Variants in FLII observed in about 807,000 individuals in gnomAD.
The protein encoded by FLII is FLII actin remodeling protein.
Under a neutral mutation model 156.2 loss-of-function variants are expected in FLII, and 101 were observed. That is an observed-to-expected ratio of 0.65 (90% CI 0.55 to 0.76). FLII has a LOEUF of 0.76. Ranked by LOEUF, FLII falls within the 30% of genes least tolerant of loss-of-function variation. The pLI is 0.00. For synonymous variants in FLII, 767 were observed against 685.8 expected, an observed-to-expected ratio of 1.12 and a Z score of -1.85; for missense variants, 1,675 against 1,682.8, an observed-to-expected ratio of 1.00 and a Z score of 0.08.
intron 4 of FLII, 144 bp from the exon 5 acceptor site, chr17:18,254,998 G>T: frequency 1.0e-6 from 1 of 954,222 alleles, no homozygotes. Context: ...CCAGGGACTT[G>T]GGAGGAAGAG....
At chr17:18,257,198 C>A (rs2048445747) in intron 1 of FLII, 179 bp from the exon 2 acceptor site, 1 of 546,768 alleles carries the variant, frequency 1.8e-6, no homozygotes, top group Non-Finnish European at 3.2e-6. Flanking sequence ...GAATTTTAAG[C>A]CCCCCCGTGA....
At chr17:18,255,430 G>A (rs891342832) in intron 3 of FLII, among the ~76,000 whole-genome samples, 167 bp from the exon 4 acceptor site, 7 of 152,118 alleles carry the variant, frequency 4.6e-5, no homozygotes, top group African/African-American at 1.7e-4. Context: ...GCTCTTCCTA[G>A]CCTCCCAGTG....
chr17:18,245,266 T>A lies in FLII; in HGVS notation c.3682A>T (p.Ile1228Phe). 1 of 1,613,014 alleles carries A rather than the reference T, an allele frequency of 6.2e-7. No homozygotes were observed. The change falls in exon 30 of 30, where the codon ATC becomes TTC. Residue 1228 changes from isoleucine to phenylalanine, a missense_variant. By Grantham distance (21) the Ile-to-Phe change is conservative (BLOSUM62 0). This residue lies in a region of FLII where 1,332 missense variants were observed against 1,269.3 expected (regional missense o/e 1.05). Transcript: ENST00000327031. ...TGTTCCTTGGACCGCATGTGCTGGA[T>A]ATATACCTGGCAAGGGGACAGCGAG... ...KLSLKACQVY[I>F]QHMRSKEHER...
In FLII at chr17:18,248,116, C is replaced by T; in HGVS notation, c.2191-83G>A. 1.3e-5 allele frequency: 12 copies of T among 911,932 alleles called. No homozygotes were observed. In the South Asian group the frequency reaches 1.7e-4, roughly 13 times the overall value. The allele number at this position is 911,932 out of a possible 1,614,324, so 56.5% of individuals were successfully genotyped here. A position where few individuals can be genotyped will look rare whatever the true frequency, so the allele number is the denominator to read the frequency against. On this transcript the variant is annotated intron_variant, in intron 18 of 29. Coordinates refer to ENST00000327031, the MANE Select transcript of FLII (RefSeq NM_002018.4). ...ACAGCCCTCTGCTCTGGAACCAGCCCTGCCCTGCAGCGTGGCTCACTGACT... is the reference window on the plus strand; with the variant it reads ...ACAGCCCTCTGCTCTGGAACCAGCCTTGCCCTGCAGCGTGGCTCACTGACT...
At chr17:18,251,550 C>T in intron 12 of FLII, 73 bp from the exon 13 acceptor site, 2 of 1,565,306 alleles carry the variant, frequency 1.3e-6, no homozygotes, top group South Asian at 1.2e-5. Flanking sequence ...GCTACCCACA[C>T]CTCAGGGCCT....
chr17:18,244,936 C>T lies in FLII; in HGVS notation c.*202G>A. 6.3e-6 allele frequency: 4 copies of T among 631,396 alleles called. No individual in the cohort carries two copies. Among genetic ancestry groups the T allele is most frequent in the Admixed American group, 2.6e-5 (1 of 38,462 alleles). 39.1% of individuals were successfully genotyped at this position (631,396 alleles called of 1,614,324 possible). A position where few individuals can be genotyped will look rare whatever the true frequency, so the allele number is the denominator to read the frequency against. ...TGAGGGGGCTTCACACGTGCACTCA[C>T]ACTGTGGAGAGAGTTGGATTTCCCA... On this transcript the variant is annotated 3_prime_UTR_variant, in exon 30 of 30. Coordinates refer to ENST00000327031, the MANE Select transcript of FLII (RefSeq NM_002018.4).
intron 9 of FLII, among the ~76,000 whole-genome samples, chr17:18,252,768 C>A (rs4925154): frequency 1.3e-5 from 2 of 152,204 alleles, no homozygotes. Flanking sequence ...TGCGTTCCCA[C>A]GTCATGTGGC....
chr17:18,251,053 C>T, intron 13 of FLII, 36 bp from the exon 14 acceptor site: 1 of 1,591,712 alleles, frequency 6.3e-7, no homozygotes, highest in South Asian at 1.1e-5. Context: ...CAGCTTTCAT[C>T]CTGGTCTTCC....
rs377154544 is a variant in FLII at position 18,254,506 on chromosome 17, C to T, written c.575+15G>A. ...GGGTGGCTTCTGCAGGAGTGCGGTC[C>T]GAGGGGGCGCCCACCGGAGCTGTGC... On this transcript the variant is annotated intron_variant, in intron 6 of 29. Transcript: ENST00000327031. 1.6e-5 allele frequency: 25 copies of T among 1,597,710 alleles called. No individual in the cohort carries two copies. In the African/African-American group the frequency reaches 2.0e-4, roughly 13 times the overall value.
intron 21 of FLII, 21 bp downstream of exon 21, chr17:18,247,148 C>T (rs571460122): frequency 1.4e-6 from 2 of 1,427,882 alleles, no homozygotes; most frequent in East Asian, 2.5e-5. Context: ...CCCCGCGCCC[C>T]GGTCCCGGCC....
chr17:18,253,251 G>A (rs1277748394), intron 9 of FLII, 50 bp downstream of exon 9: 2 of 1,603,930 alleles, frequency 1.2e-6, no homozygotes, highest in Non-Finnish European at 1.7e-6. Context: ...TACGATCCCG[G>A]GGTTCTCTGT....
chr17:18,245,219 G>T lies in FLII; in HGVS notation c.3729C>A (p.Arg1243=), dbSNP rs1171214408. 2.5e-6 allele frequency: 4 copies of T among 1,613,804 alleles called. No individual in the cohort carries two copies. The African/African-American group carries it at 5.3e-5, about 22-fold the overall frequency. The change falls in exon 30 of 30, where the codon CGC becomes CGA. Residue 1243 remains arginine (R), a synonymous_variant. Transcript: ENST00000327031. ...GCTGCTCATTGCCCTTGCGGACCAG[G>T]CGCAGCCGGCGCGGCCGCTCATGTT... The part of the protein sequence containing the change: ...SKEHERPRRL[R]LVRKGNEQHA...
Position 18,252,004 on chromosome 17 carries a change from G to A in FLII, c.1241C>T (p.Ala414Val). The part of the protein sequence containing the change: ...GASPATVAAA[A>V]AAGSGPKDPM... ...CCAGACCTTTCCCCACTCACCAGCTGCAGCTGCAGCCACGGTAGCAGGAGA... is the reference window on the plus strand; with the variant it reads ...CCAGACCTTTCCCCACTCACCAGCTACAGCTGCAGCCACGGTAGCAGGAGA... Residue 414 changes from alanine to valine, a missense_variant, in exon 11 of 30, where the codon GCA (alanine) becomes GTA (valine). By Grantham distance (64) the Ala-to-Val change is moderately conservative. Coordinates refer to ENST00000327031, the MANE Select transcript of FLII (RefSeq NM_002018.4). 1.2e-6 allele frequency: 2 copies of A among 1,612,800 alleles called. No homozygotes were observed. The highest frequency in any genetic ancestry group is 1.7e-6 in the Non-Finnish European group (2 of 1,179,600).
rs1367984693 is a variant in FLII at position 18,251,090 on chromosome 17, C to A, written c.1597-73G>T. On this transcript the variant is annotated intron_variant, in intron 13 of 29. Coordinates refer to ENST00000327031, the MANE Select transcript of FLII (RefSeq NM_002018.4). The stretch of plus-strand genomic sequence containing the variant: ...GCCACCCCGGAGACGCCACTCTGAA[C>A]AGCACAGGCTTCCCAGCCCCAGGGG... The A allele has an allele frequency of 2.6e-6, 4 of 1,517,028 alleles. No individual in the cohort carries two copies. In the African/African-American group the frequency reaches 5.5e-5, roughly 21 times the overall value. The allele number at this position is 1,517,028 out of a possible 1,614,324, so 94.0% of individuals were successfully genotyped here. A position where few individuals can be genotyped will look rare whatever the true frequency, so the allele number is the denominator to read the frequency against.
At chr17:18,251,571 G>C in intron 12 of FLII, 94 bp from the exon 13 acceptor site, 2 of 1,574,598 alleles carry the variant, frequency 1.3e-6, no homozygotes, top group African/African-American at 1.3e-5. Flanking sequence ...TTGCACAGCT[G>C]TTCTTTCTGC....
In FLII at chr17:18,248,838, C is replaced by A; in HGVS notation, c.1980G>T (p.Arg660=). 1.2e-6 allele frequency: 2 copies of A among 1,613,966 alleles called. No homozygotes were observed. Residue 660 remains arginine, a synonymous_variant, in exon 17 of 30, where the codon CGG becomes CGT. Coordinates refer to ENST00000327031, the MANE Select transcript of FLII (RefSeq NM_002018.4). ...TGCTGCTCAGTGTGGCCTGGGCCCC[C>A]CGCCATACGTAGATGTCTAGCCCTC... ...LDRGLDIYVW[R]GAQATLSSTT... is the part of the protein sequence containing the mutation.
intron 16 of FLII, 112 bp downstream of exon 16, chr17:18,249,015 C>A: frequency 7.3e-7 from 1 of 1,370,976 alleles, no homozygotes; most frequent in Non-Finnish European, 1.0e-6. Flanking sequence ...CCGCCAAGCT[C>A]GTGGGCAGGA....
Position 18,245,058 on chromosome 17 carries a change from C to CTGAG in FLII, c.*76_*79dup, listed in dbSNP as rs1417107044. The CTGAG allele has an allele frequency of 5.3e-6, 8 of 1,503,344 alleles. No homozygotes were observed. The highest frequency in any genetic ancestry group is 7.2e-6 in the Non-Finnish European group (8 of 1,105,800). The allele number at this position is 1,503,344 out of a possible 1,614,324, so 93.1% of individuals were successfully genotyped here. ...ACGTGGCTGGAGCAGGTGGTGTCACCTGAGTACATTCTTTGCTAGCAGACA... is the reference window on the plus strand; with the variant it reads ...ACGTGGCTGGAGCAGGTGGTGTCACCTGAGTGAGTACATTCTTTGCTAGCAGACA... On this transcript the variant is annotated 3_prime_UTR_variant, in exon 30 of 30. Transcript: ENST00000327031.
chr17:18,247,235 T>A lies in FLII; in HGVS notation c.2610A>T (p.Lys870Asn). 1 of 1,602,912 alleles carries A rather than the reference T, an allele frequency of 6.2e-7. No homozygotes were observed. The highest frequency in any genetic ancestry group is 8.5e-7 in the Non-Finnish European group (1 of 1,179,234). The stretch of plus-strand genomic sequence containing the variant: ...CAGTGAGGTCAGCCTTCATCTGGTC[T>A]TTCTTCTCGGCGTCGCGTTTCACCT... ...SGKVKRDAEK[K>N]DQMKADLTAL... Residue 870 changes from lysine (K) to asparagine (N), a missense_variant, in exon 21 of 30, where the codon AAA becomes AAT. Physicochemically the swap from Lys to Asn is moderately conservative, Grantham distance 94 (BLOSUM62 0). Transcript: ENST00000327031.
Sources: allele counts gnomAD v4.1 joint callset (sites outside exome capture counted in the v4.1 genomes callset), GRCh38; gene constraint gnomAD v4.1.1; regional missense constraint gnomAD v4.1.1; transcripts MANE v1.5; gene names NCBI Gene and HGNC (gene_info 2026-07-23, HGNC 2026-07-21).